NAA50: variants seen among roughly 807,000 people sequenced by gnomAD.
NAA50 encodes N-alpha-acetyltransferase 50.
Under a neutral mutation model 20.7 loss-of-function variants are expected in NAA50, and 7 were observed. The ratio of observed to expected loss-of-function variants is 0.34; its 90% CI spans 0.19 to 0.63. The LOEUF (loss-of-function observed/expected upper bound fraction) is 0.63. NAA50 is among the 30% of genes least tolerant of loss of function. The pLI is 0.75. For synonymous variants in NAA50, 54 were observed against 70.6 expected, an observed-to-expected ratio of 0.77 and a Z score of 1.18; for missense variants, 111 against 199.1, an observed-to-expected ratio of 0.56 and a Z score of 2.66.
At chr3:113,745,678 T>G in intron 1 of NAA50, 1 of 465,990 alleles carries the variant, frequency 2.1e-6, no homozygotes, top group Middle Eastern at 4.2e-4. Context: ...ACTCGGTCGC[T>G]TCTCCCCACT....
intron 1 of NAA50, among the ~76,000 whole-genome samples, chr3:113,742,137 A>G (rs1708425452): frequency 6.6e-6 from 1 of 152,216 alleles, no homozygotes; most frequent in African/African-American, 2.4e-5. Context: ...ACAAACCACA[A>G]ATTGTTTCAC....
chr3:113,718,074 T>C lies in NAA50; in HGVS notation c.*3686A>G, dbSNP rs1362186082. On this transcript the variant is annotated 3_prime_UTR_variant, in exon 5 of 5. Transcript: ENST00000240922. ...AATAATGTCACCTGAGGCTACGTCA[T>C]AAAAAAGTATGGTTTCTGCTCACTT... is the stretch of plus-strand genomic sequence containing the variant. 1 of 152,138 alleles carries C rather than the reference T, an allele frequency of 6.6e-6. No homozygotes were observed. Among genetic ancestry groups the C allele is most frequent in the Non-Finnish European group, 1.5e-5 (1 of 68,014 alleles). 9.4% of individuals were successfully genotyped at this position (152,138 alleles called of 1,614,324 possible).
intron 1 of NAA50, among the ~76,000 whole-genome samples, chr3:113,742,170 A>G (rs1708425887): frequency 6.6e-6 from 1 of 152,224 alleles, no homozygotes; most frequent in Non-Finnish European, 1.5e-5. Context: ...TATAAACTGT[A>G]GGTTTATAAA....
chr3:113,737,425 A>C (rs1485780778), intron 1 of NAA50, among the ~76,000 whole-genome samples: 9 of 152,228 alleles, frequency 5.9e-5, no homozygotes, highest in Admixed American at 5.9e-4. Context: ...CCCATTCAGA[A>C]TTTATCACAC....
intron 1 of NAA50, chr3:113,741,284 G>T: frequency 2.6e-6 from 1 of 377,818 alleles, no homozygotes. Context: ...CTGTGCCACA[G>T]ACCACAAGGT....
intron 1 of NAA50, among the ~76,000 whole-genome samples, chr3:113,734,472 C>A (rs935297429): frequency 2.0e-5 from 3 of 152,066 alleles, no homozygotes; most frequent in Non-Finnish European, 4.4e-5. Flanking sequence ...GAAAAAGAAT[C>A]CCTAACAAAA....
At chr3:113,739,834 CT>C (rs1228105061) in intron 1 of NAA50, among the ~76,000 whole-genome samples, 7 of 152,064 alleles carry the variant, frequency 4.6e-5, no homozygotes, top group Admixed American at 1.3e-4. Flanking sequence ...ACAACTTTGG[CT>C]TTTTTATGGG....
At chr3:113,733,966 CA>C (rs1708305848) in intron 1 of NAA50, among the ~76,000 whole-genome samples, 1 of 149,714 alleles carries the variant, frequency 6.7e-6, no homozygotes, top group Admixed American at 6.7e-5. Context: ...AGTGCCCCAG[CA>C]AAAAAGGAAA....
At chr3:113,739,155 T>C (rs1372107791) in intron 1 of NAA50, among the ~76,000 whole-genome samples, 2 of 152,354 alleles carry the variant, frequency 1.3e-5, no homozygotes, top group East Asian at 3.9e-4. Context: ...TGTGAATATT[T>C]ACTCAAAGAC....
At chr3:113,727,205 T>G (rs1404011074) in intron 1 of NAA50, among the ~76,000 whole-genome samples, 1 of 152,224 alleles carries the variant, frequency 6.6e-6, no homozygotes, top group African/African-American at 2.4e-5. Context: ...TTTTTTTATA[T>G]ACAGTTTGTA....
At chr3:113,728,100 G>C (rs1708223266) in intron 1 of NAA50, among the ~76,000 whole-genome samples, 1 of 145,414 alleles carries the variant, frequency 6.9e-6, no homozygotes, top group South Asian at 2.1e-4. Flanking sequence ...AAAGGCATAA[G>C]CATAAGGGAT....
At chr3:113,740,362 TG>T (rs1338439108) in intron 1 of NAA50, among the ~76,000 whole-genome samples, 1 of 152,126 alleles carries the variant, frequency 6.6e-6, no homozygotes, top group African/African-American at 2.4e-5. Context: ...GACCAATAAC[TG>T]TGAGTTTTTT....
At chr3:113,745,906 C>A (rs1377244166) in intron 1 of NAA50, 36 bp downstream of exon 1, 1 of 1,601,036 alleles carries the variant, frequency 6.2e-7, no homozygotes, top group Non-Finnish European at 8.5e-7. Flanking sequence ...CCCTTCTACC[C>A]CACCGGCCGG....
intron 1 of NAA50, among the ~76,000 whole-genome samples, chr3:113,740,590 G>A (rs1577073236): frequency 6.6e-6 from 1 of 152,142 alleles, no homozygotes; most frequent in Non-Finnish European, 1.5e-5. Context: ...AGCCCAGGCT[G>A]GTCTTGAACT....
In NAA50 at chr3:113,746,027, T is replaced by C. The variant is rs1204052625; in HGVS notation, c.-78A>G. 40 of 1,577,860 alleles carry C rather than the reference T, an allele frequency of 2.5e-5. No individual in the cohort carries two copies. The East Asian group carries it at 9.3e-4, about 37-fold the overall frequency. On this transcript the variant is annotated 5_prime_UTR_variant, in exon 1 of 5. Transcript: ENST00000240922. The stretch of plus-strand genomic sequence containing the variant: ...CGCCGCCCTTAGGTCTCCGCACCCT[T>C]AGCTCGGGCCACTCAACCCCGCAAG...
At chr3:113,729,745 A>G (rs913843221) in intron 1 of NAA50, among the ~76,000 whole-genome samples, 3 of 151,636 alleles carry the variant, frequency 2.0e-5, no homozygotes, top group African/African-American at 7.3e-5. Flanking sequence ...TTTGGTAGAG[A>G]CAGGATTTCA....
chr3:113,729,114 C>T (rs1708238449), intron 1 of NAA50, among the ~76,000 whole-genome samples: 1 of 151,234 alleles, frequency 6.6e-6, no homozygotes, highest in Non-Finnish European at 1.5e-5. Context: ...GCCTCCTAAA[C>T]AGCTGTCATT....
At chr3:113,725,799 AAG>A (rs1343996078) in intron 1 of NAA50, among the ~76,000 whole-genome samples, 1 of 145,570 alleles carries the variant, frequency 6.9e-6, no homozygotes, top group Non-Finnish European at 1.5e-5. Context: ...CAGATAAAAA[AAG>A]AAATTTCTAA....
In NAA50 at chr3:113,746,213, G is replaced by T; in HGVS notation, c.-264C>A. The T allele has an allele frequency of 2.0e-6, 1 of 494,018 alleles. No homozygotes were observed. Among genetic ancestry groups the T allele is most frequent in the Non-Finnish European group, 3.6e-6 (1 of 281,004 alleles). 30.6% of individuals were successfully genotyped at this position (494,018 alleles called of 1,614,324 possible). On this transcript the variant is annotated 5_prime_UTR_variant, in exon 1 of 5. Transcript: ENST00000240922. The stretch of plus-strand genomic sequence containing the variant: ...GGTCTCTCGGCTCCCTCCCGCCGCT[G>T]CCGCCAGCCAGACCCGCTGCCGCGC...
Sources: allele counts gnomAD v4.1 joint callset (sites outside exome capture counted in the v4.1 genomes callset), GRCh38; gene constraint gnomAD v4.1.1; transcripts MANE v1.5; gene names NCBI Gene and HGNC (gene_info 2026-07-23, HGNC 2026-07-21).